Variants in CAST observed in about 807,000 individuals in gnomAD.
CAST encodes the protein MIR583 host.
A neutral mutation model predicts 119.6 loss-of-function variants in CAST; 76 were observed. The observed-to-expected ratio is 0.64, with a 90% CI of 0.53 to 0.77. The LOEUF (loss-of-function observed/expected upper bound fraction) is 0.77, where lower values mean the gene tolerates loss of function less well. Ranked by LOEUF, CAST falls within the 30% of genes least tolerant of loss-of-function variation. The pLI is 0.00. For missense variants in CAST, 953 were observed against 946.5 expected, an observed-to-expected ratio of 1.01 and a Z score of -0.09; for synonymous variants, 319 against 331.6, an observed-to-expected ratio of 0.96 and a Z score of 0.41.
the CAST span, among the ~76,000 whole-genome samples, chr5:96,435,478 A>T: frequency 1.3e-5 from 2 of 152,202 alleles, no homozygotes; most frequent in Admixed American, 6.5e-5. Context: ...TTCTGCCAAG[A>T]CTAGAGGTGC....
the CAST span, among the ~76,000 whole-genome samples, chr5:96,088,364 G>A: frequency 2.6e-5 from 4 of 152,296 alleles, no homozygotes; most frequent in Admixed American, 1.3e-4. Context: ...GGCTGCCAGT[G>A]TATTCTTTTT....
the CAST span, among the ~76,000 whole-genome samples, chr5:96,311,206 G>C: frequency 5.3e-5 from 8 of 151,962 alleles, no homozygotes; most frequent in African/African-American, 1.9e-4. Context: ...TCAGGAACAT[G>C]TTGTTTCATT....
the CAST span, chr5:96,423,167 G>T: frequency 7.4e-3 from 5,503 of 744,860 alleles, 220 homozygotes; most frequent in African/African-American, 0.085. Context: ...ATAAGCTAGT[G>T]GGAAGTGGGA....
the CAST span, among the ~76,000 whole-genome samples, chr5:96,189,306 TC>T: frequency 8.5e-5 from 13 of 152,310 alleles, no homozygotes; most frequent in East Asian, 2.5e-3. Flanking sequence ...TGGTCCTTTT[TC>T]TTTGTTCCTG....
the CAST span, among the ~76,000 whole-genome samples, chr5:96,114,374 G>T: frequency 6.6e-6 from 1 of 152,202 alleles, no homozygotes; most frequent in Non-Finnish European, 1.5e-5. Context: ...CAGGGGATTT[G>T]TATGTACATT....
the CAST span, among the ~76,000 whole-genome samples, chr5:95,992,525 G>A: frequency 1.3e-5 from 2 of 151,826 alleles, no homozygotes; most frequent in South Asian, 2.1e-4. Flanking sequence ...AGATTGTTAA[G>A]GTCATGCATG....
At chr5:96,310,449 T>C in the CAST span, among the ~76,000 whole-genome samples, 3,782 of 152,266 alleles carry the variant, frequency 0.025, 166 homozygotes, top group African/African-American at 0.086. Flanking sequence ...GCCTCATAAA[T>C]AGGTCTGAAA....
the CAST span, chr5:96,392,966 C>T: frequency 6.2e-7 from 1 of 1,610,460 alleles, no homozygotes; most frequent in Non-Finnish European, 8.5e-7. Flanking sequence ...AAGGAAGAAG[C>T]ATGAATATTT....
chr5:96,041,229 C>T, the CAST span, among the ~76,000 whole-genome samples: 39 of 152,030 alleles, frequency 2.6e-4, no homozygotes, highest in Middle Eastern at 3.2e-3. Context: ...AGTGATAAAT[C>T]ATATTGACAG....
In CAST at chr5:96,714,698, A is replaced by C. The variant is rs539176961; in HGVS notation, c.211-7941A>C. On this transcript the variant is annotated intron_variant, in intron 3 of 31. Coordinates refer to ENST00000675179, the MANE Select transcript of CAST (RefSeq NM_001750.7). ...TCATGCATCAAGAGAAGCAACTGGAATCCCTAGAGACATGAATACAACTTC... is the reference window on the plus strand; with the variant it reads ...TCATGCATCAAGAGAAGCAACTGGACTCCCTAGAGACATGAATACAACTTC... 3.3e-5 allele frequency: 5 copies of C among 152,334 alleles called. No individual in the cohort carries two copies. In the East Asian group the frequency reaches 9.7e-4, roughly 29 times the overall value. The allele number at this position is 152,334 out of a possible 1,614,324, so 9.4% of individuals were successfully genotyped here. A position where few individuals can be genotyped will look rare whatever the true frequency, so the allele number is the denominator to read the frequency against.
At chr5:96,210,934 T>C in the CAST span, among the ~76,000 whole-genome samples, 4 of 152,126 alleles carry the variant, frequency 2.6e-5, no homozygotes, top group East Asian at 5.8e-4. Context: ...TTTTGAGTGA[T>C]TGTAAGTTGT....
At chr5:96,299,993 G>A in the CAST span, among the ~76,000 whole-genome samples, 2 of 151,990 alleles carry the variant, frequency 1.3e-5, no homozygotes, top group African/African-American at 4.8e-5. Flanking sequence ...AGTTGCTTAT[G>A]TATTTTGGAT....
At chr5:96,502,870 T>C in the CAST span, among the ~76,000 whole-genome samples, 1 of 152,208 alleles carries the variant, frequency 6.6e-6, no homozygotes, top group Non-Finnish European at 1.5e-5. Flanking sequence ...ACAGATGCCC[T>C]ATAATTCTTC....
chr5:96,319,438 G>A, the CAST span, among the ~76,000 whole-genome samples: 2 of 152,158 alleles, frequency 1.3e-5, no homozygotes, highest in Non-Finnish European at 2.9e-5. Context: ...CAGTTGATAA[G>A]AAACAACTTT....
intron 1 of CAST, among the ~76,000 whole-genome samples, chr5:96,610,043 G>T (rs1023465315): frequency 3.9e-5 from 6 of 152,196 alleles, no homozygotes; most frequent in Non-Finnish European, 4.4e-5. Flanking sequence ...TGTCCTGGGA[G>T]GGACACAGTG....
At chr5:96,581,505 G>A (rs1251429373) in intron 1 of CAST, among the ~76,000 whole-genome samples, 1 of 152,092 alleles carries the variant, frequency 6.6e-6, no homozygotes, top group Non-Finnish European at 1.5e-5. Flanking sequence ...ATATACTTTG[G>A]TTTGTCAATT....
intron 3 of CAST, chr5:96,702,685 G>A (rs1275667875): frequency 7.1e-6 from 5 of 703,616 alleles, no homozygotes; most frequent in African/African-American, 3.8e-5. Context: ...GGCGCATGAC[G>A]AGTCCACGGA....
At chr5:96,764,750 C>T (rs1769240793) in intron 25 of CAST, among the ~76,000 whole-genome samples, 1 of 152,166 alleles carries the variant, frequency 6.6e-6, no homozygotes, top group Non-Finnish European at 1.5e-5. Context: ...AAACACTTAC[C>T]CTCTATAGTT....
the CAST span, among the ~76,000 whole-genome samples, chr5:96,138,023 T>C: frequency 6.6e-6 from 1 of 152,060 alleles, no homozygotes; most frequent in Admixed American, 6.6e-5. Flanking sequence ...TCTCCCTTCA[T>C]AGGTTGTGCT....
Sources: allele counts gnomAD v4.1 joint callset (sites outside exome capture counted in the v4.1 genomes callset), GRCh38; gene constraint gnomAD v4.1.1; transcripts MANE v1.5; gene names NCBI Gene and HGNC (gene_info 2026-07-23, HGNC 2026-07-21).